The following PRDX2 variants were observed in gnomAD, a reference collection of about 807,000 sequenced individuals.
PRDX2 encodes the protein peroxiredoxin-2.
In PRDX2, 10 loss-of-function variants were observed where a neutral mutation model predicts 19.8. The observed-to-expected ratio is 0.50, with a 90% CI of 0.31 to 0.86. The LOEUF (loss-of-function observed/expected upper bound fraction) is 0.86, where lower values mean the gene tolerates loss of function less well. Among genes scored for constraint, PRDX2 ranks in the 40% least tolerant of loss-of-function variants. The pLI is 0.04. For missense variants in PRDX2, 226 were observed against 260.1 expected (o/e 0.87, Z 0.90); for synonymous variants, 118 against 108.2 (o/e 1.09, Z -0.56).
Position 12,801,286 on chromosome 19 carries a change from G to A in PRDX2, c.-9-16C>T, listed in dbSNP as rs34231866. Reference sequence around the variant, plus strand: ...TGACTGAAAGCTGAGACCCCCGCCCGGTCAGTGCGCCCGGGAAGACACTTT... The same window carrying A: ...TGACTGAAAGCTGAGACCCCCGCCCAGTCAGTGCGCCCGGGAAGACACTTT... On this transcript the variant is annotated splice_polypyrimidine_tract_variant and intron_variant, in intron 1 of 5. Transcript: ENST00000301522. 0.015 allele frequency: 23,443 copies of A among 1,596,140 alleles called. 227 individuals carry two copies. The highest frequency in any genetic ancestry group is 0.017 in the Non-Finnish European group (20,280 of 1,171,738).
At chr19:12,797,275 C>G (rs1968806442) in intron 5 of PRDX2, 109 bp from the exon 6 acceptor site, 3 of 854,680 alleles carry the variant, frequency 3.5e-6, no homozygotes, top group East Asian at 2.6e-5. Context: ...GTGGTCCAGG[C>G]CCAGGAATGT....
rs1274636200 is a variant in PRDX2, at chr19:12,801,071, TG to T, written c.104-3del. 21 of 1,611,490 alleles carry T rather than the reference TG, an allele frequency of 1.3e-5. No individual in the cohort carries two copies. Among genetic ancestry groups the T allele is most frequent in the Non-Finnish European group, 1.7e-5 (20 of 1,178,198 alleles). ...AGAAAAAGAGGACCACGTACTTCCC[TG>T]GGGAGGAGGGACACAGAGGAGTTAG... On this transcript the variant is annotated splice_polypyrimidine_tract_variant and splice_region_variant and intron_variant, in intron 2 of 5. Coordinates refer to ENST00000301522, the MANE Select transcript of PRDX2 (RefSeq NM_005809.6).
intron 5 of PRDX2, 118 bp from the exon 6 acceptor site, chr19:12,797,284 G>A (rs559905158): frequency 1.3e-6 from 1 of 767,492 alleles, no homozygotes; most frequent in East Asian, 2.7e-5. Context: ...GCCCAGGAAT[G>A]TGGATATTAA....
Position 12,801,191 on chromosome 19 carries a change from G to A in PRDX2, c.71C>T (p.Ala24Val), listed in dbSNP as rs764743974. Reference protein sequence around the residue: ...DFKATAVVDGAFKEVKLSDYK... With the variant: ...DFKATAVVDGVFKEVKLSDYK... ...GTCCGACAGCTTCACCTCTTTGAAG[G>A]CGCCATCAACCACCGCTGTGGCCTT... Residue 24 changes from alanine to valine, a missense_variant, in exon 2 of 6, where the codon GCC (alanine) becomes GTC (valine). Physicochemically the swap from Ala to Val is moderately conservative, Grantham distance 64. Transcript: ENST00000301522. 2.2e-5 allele frequency: 36 copies of A among 1,613,896 alleles called. No homozygotes were observed. In the South Asian group the frequency reaches 3.0e-4, roughly 13 times the overall value.
At chr19:12,801,467 A>G (rs1403839852) in intron 1 of PRDX2, among the ~76,000 whole-genome samples, 197 bp from the exon 2 acceptor site, 1 of 152,232 alleles carries the variant, frequency 6.6e-6, no homozygotes, top group African/African-American at 2.4e-5. Context: ...CGAGTGACCC[A>G]GCCACTGCCA....
At chr19:12,799,689 G>T in intron 5 of PRDX2, 170 bp downstream of exon 5, 8 of 895,842 alleles carry the variant, frequency 8.9e-6, no homozygotes, top group Non-Finnish European at 1.1e-5. Flanking sequence ...AATGTCAGGC[G>T]TTATTTGTCT....
chr19:12,799,768 T>C (rs1968855384), intron 5 of PRDX2, 91 bp downstream of exon 5: 1 of 1,520,960 alleles, frequency 6.6e-7, no homozygotes, highest in African/African-American at 1.4e-5. Flanking sequence ...CTAACACCCA[T>C]CTGGACAGGT....
In PRDX2 at chr19:12,800,212, G is replaced by A. The variant is rs370927066; in HGVS notation, c.345C>T (p.Tyr115=). ...TGCCCTCATCTGTTTTCAGCACGCC[G>A]TAATCCTCAGACAAGCGTCTGGTCA... ...ADVTRRLSED[Y]GVLKTDEGIA... is the part of the protein sequence containing the mutation. The change falls in exon 4 of 6, where the codon TAC becomes TAT. Residue 115 remains tyrosine, a synonymous_variant. Coordinates refer to ENST00000301522, the MANE Select transcript of PRDX2 (RefSeq NM_005809.6). 1.2e-5 allele frequency: 19 copies of A among 1,613,896 alleles called. No individual in the cohort carries two copies. The highest frequency in any genetic ancestry group is 8.0e-5 in the African/African-American group (6 of 75,026).
In PRDX2 at chr19:12,800,268, C is replaced by G. The variant is rs1029629924; in HGVS notation, c.289G>C (p.Gly97Arg). 5 of 1,613,496 alleles carry G rather than the reference C, an allele frequency of 3.1e-6. No individual in the cohort carries two copies. Among genetic ancestry groups the G allele is most frequent in the Non-Finnish European group, 4.2e-6 (5 of 1,179,880 alleles). ...INTPRKEGGL[G>R]PLNIPLLADV... ...GCAAGCAGGGGGATGTTCAGGGGGC[C>G]CAAGCCTCCCTCTTTCCGGGGGGTG... The change falls in exon 4 of 6, where the codon GGC (glycine) becomes CGC (arginine). Residue 97 changes from glycine (G) to arginine (R), a missense_variant. By Grantham distance (125) the Gly-to-Arg change is moderately radical (BLOSUM62 -2). Transcript: ENST00000301522.
At chr19:12,800,108 G>C in intron 4 of PRDX2, 69 bp downstream of exon 4, 1 of 1,602,874 alleles carries the variant, frequency 6.2e-7, no homozygotes, top group Non-Finnish European at 8.5e-7. Context: ...CATTGTACAG[G>C]AGTGGTCCCA....
chr19:12,799,551 G>T, intron 5 of PRDX2: 1 of 236,872 alleles, frequency 4.2e-6, no homozygotes, highest in East Asian at 1.1e-4. Flanking sequence ...GTAGAGACGG[G>T]GTTTCACCAT....
chr19:12,801,086 C>A lies in PRDX2; in HGVS notation c.104-17G>T, dbSNP rs1273198957. The A allele has an allele frequency of 3.7e-6, 6 of 1,612,162 alleles. No individual in the cohort carries two copies. In the Admixed American group the frequency reaches 1.0e-4, roughly 27 times the overall value. ...CGTACTTCCCTGGGGAGGAGGGACA[C>A]AGAGGAGTTAGGGCCCAGCTTCTCT... On this transcript the variant is annotated splice_polypyrimidine_tract_variant and intron_variant, in intron 2 of 5. Coordinates refer to ENST00000301522, the MANE Select transcript of PRDX2 (RefSeq NM_005809.6).
rs1464969486 is a variant in PRDX2, at chr19:12,799,963, C to G, written c.407G>C (p.Gly136Ala). 9 of 1,613,972 alleles carry G rather than the reference C, an allele frequency of 5.6e-6. No homozygotes were observed. The highest frequency in any genetic ancestry group is 7.6e-6 in the Non-Finnish European group (9 of 1,179,956). Reference sequence around the variant, plus strand: ...ATTAACAGTGATCTGGCGAAGGACACCCTTGCCATCGATGATAAAGAGGCC... The same window carrying G: ...ATTAACAGTGATCTGGCGAAGGACAGCCTTGCCATCGATGATAAAGAGGCC... Reference protein sequence around the residue: ...YRGLFIIDGKGVLRQITVNDL... With the variant: ...YRGLFIIDGKAVLRQITVNDL... Residue 136 changes from glycine (G) to alanine (A), a missense_variant, in exon 5 of 6, where the codon GGT (glycine) becomes GCT (alanine). By Grantham distance (60) the Gly-to-Ala change is moderately conservative. Transcript: ENST00000301522.
intron 5 of PRDX2, 175 bp downstream of exon 5, chr19:12,799,684 C>G: frequency 1.2e-6 from 1 of 832,534 alleles, no homozygotes; most frequent in Non-Finnish European, 1.8e-6. Flanking sequence ...GGTTGAATGT[C>G]AGGCGTTATT....
At chr19:12,799,091 C>T (rs10407474) in intron 5 of PRDX2, among the ~76,000 whole-genome samples, 1 of 151,684 alleles carries the variant, frequency 6.6e-6, no homozygotes, top group African/African-American at 2.4e-5. Context: ...AGCAGAGACG[C>T]GGTTTCACTA....
In PRDX2 at chr19:12,800,397, T is replaced by G; in HGVS notation, c.258-98A>C. 6.8e-6 allele frequency: 10 copies of G among 1,476,834 alleles called. No individual in the cohort carries two copies. The South Asian group carries it at 1.3e-4, about 19-fold the overall frequency. The allele number at this position is 1,476,834 out of a possible 1,614,324, so 91.5% of individuals were successfully genotyped here. ...TGTGATAAGCACTGGAGGCCGGAGATAAGGGGCTTTAGAGTAGGCCGCTGG... is the reference window on the plus strand; with the variant it reads ...TGTGATAAGCACTGGAGGCCGGAGAGAAGGGGCTTTAGAGTAGGCCGCTGG... On this transcript the variant is annotated intron_variant, in intron 3 of 5. Transcript: ENST00000301522.
At chr19:12,800,460 C>T in intron 3 of PRDX2, 161 bp from the exon 4 acceptor site, 1 of 978,330 alleles carries the variant, frequency 1.0e-6, no homozygotes, top group South Asian at 1.7e-5. Context: ...GGTGCAAGGA[C>T]TGTATCCCCA....
At position 12,801,237 on chromosome 19, in the gene PRDX2, C is replaced by T; in HGVS notation, c.25G>A (p.Gly9Arg). 1 of 1,613,732 alleles carries T rather than the reference C, an allele frequency of 6.2e-7. No individual in the cohort carries two copies. The highest frequency in any genetic ancestry group is 8.5e-7 in the Non-Finnish European group (1 of 1,179,916). ...GCCTTGAAGTCAGGGGCTGGCTTTC[C>T]GATGCGCGCGTTACCGGAGGCCATG... MASGNARI[G>R]KPAPDFKATA... The change falls in exon 2 of 6, where the codon GGA becomes AGA. Residue 9 changes from glycine (G) to arginine (R), a missense_variant. Transcript: ENST00000301522.
chr19:12,799,843 G>A lies in PRDX2; in HGVS notation c.511+16C>T, dbSNP rs768647177. 18 of 1,611,086 alleles carry A rather than the reference G, an allele frequency of 1.1e-5. No homozygotes were observed. In the African/African-American group the frequency reaches 2.1e-4, roughly 19 times the overall value. ...CGCTCAGTATGTACCCATGTGTCAT[G>A]TGTGTATCTGCTCACCTTCCCCATG... is the stretch of plus-strand genomic sequence containing the variant. On this transcript the variant is annotated intron_variant, in intron 5 of 5. Transcript: ENST00000301522.
Sources: gnomAD v4.1 joint callset for allele counts (sites outside exome capture counted in the v4.1 genomes callset) on GRCh38, gnomAD v4.1.1 for gene constraint, MANE v1.5 for transcripts, NCBI Gene and HGNC (gene_info 2026-07-23, HGNC 2026-07-21) for gene names.